The following GPHN variants were observed in gnomAD, a reference collection of about 807,000 sequenced individuals.
GPHN encodes gephyrin.
Under a neutral mutation model 95.5 loss-of-function variants are expected in GPHN, and 17 were observed. That is an observed-to-expected ratio of 0.18 (90% CI 0.12 to 0.27). GPHN has a LOEUF of 0.27. Among genes scored for constraint, GPHN ranks in the 10% least tolerant of loss-of-function variants. The pLI is 1.00. For missense variants in GPHN, 660 were observed against 978.1 expected, an observed-to-expected ratio of 0.67 and a Z score of 4.34; for synonymous variants, 320 against 322.5, an observed-to-expected ratio of 0.99 and a Z score of 0.08.
the GPHN span, chr14:67,619,979 T>C: frequency 1.9e-6 from 3 of 1,591,924 alleles, no homozygotes; most frequent in South Asian, 1.1e-5. Flanking sequence ...CTGCGGATCA[T>C]GTCCCTAAGG....
intron 1 of GPHN, among the ~76,000 whole-genome samples, chr14:66,545,004 G>A (rs895878311): frequency 6.6e-6 from 1 of 152,198 alleles, no homozygotes; most frequent in African/African-American, 2.4e-5. Flanking sequence ...ACACAAACAC[G>A]GCAACCATCC....
the GPHN span, among the ~76,000 whole-genome samples, chr14:67,322,568 A>G: frequency 6.6e-6 from 1 of 152,194 alleles, no homozygotes; most frequent in Admixed American, 6.5e-5. Flanking sequence ...CTATTCTAAA[A>G]TAGTAATTAG....
the GPHN span, chr14:67,589,871 G>A: frequency 8.8e-5 from 107 of 1,221,848 alleles, no homozygotes; most frequent in African/African-American, 3.1e-5. Context: ...TGGTAAAGTA[G>A]GCAAAACCTT....
intron 1 of GPHN, among the ~76,000 whole-genome samples, chr14:66,648,147 G>C (rs1002306131): frequency 2.6e-5 from 4 of 152,278 alleles, no homozygotes; most frequent in Non-Finnish European, 5.9e-5. Context: ...ATATTCTATA[G>C]TGCTTTGACT....
chr14:66,941,412 A>G (rs566824183), intron 8 of GPHN, among the ~76,000 whole-genome samples: 7 of 152,296 alleles, frequency 4.6e-5, no homozygotes, highest in African/African-American at 7.2e-5. Flanking sequence ...GGAATCTCAG[A>G]TAAGACCTTT....
At chr14:66,801,723 G>T (rs988929372) in intron 3 of GPHN, among the ~76,000 whole-genome samples, 10 of 149,250 alleles carry the variant, frequency 6.7e-5, no homozygotes, top group Non-Finnish European at 1.0e-4. Context: ...ACTGGATCAG[G>T]CCTGAAGCCA....
intron 1 of GPHN, among the ~76,000 whole-genome samples, chr14:66,552,650 C>G (rs1234761785): frequency 6.6e-6 from 1 of 152,090 alleles, no homozygotes; most frequent in Non-Finnish European, 1.5e-5. Context: ...CTAAAAATGT[C>G]TTTATTCCAC....
chr14:67,249,037 A>C, the GPHN span, among the ~76,000 whole-genome samples: 1 of 151,740 alleles, frequency 6.6e-6, no homozygotes, highest in Non-Finnish European at 1.5e-5. Context: ...ATCTCAGCTC[A>C]CTGCAACCTC....
At position 67,102,696 on chromosome 14, in the gene GPHN, G is replaced by T. The variant is rs1228946501; in HGVS notation, c.1293+1785G>T. 2.6e-5 allele frequency among the ~76,000 whole-genome samples: 4 copies of T among 152,212 alleles called. No individual in the cohort carries two copies. In the East Asian group the frequency reaches 7.7e-4, roughly 29 times the overall value. On this transcript the variant is annotated intron_variant, in intron 13 of 22. Transcript: ENST00000478722. ...AAATAAAAATAAATAAAAGTGGCAA[G>T]AAATAAATAAATAATAATTTTTAAA...
chr14:67,183,951 T>C (rs532727056), downstream of GPHN, among the ~76,000 whole-genome samples: 1 of 152,112 alleles, frequency 6.6e-6, no homozygotes, highest in African/African-American at 2.4e-5. Context: ...CTCCCTGGGC[T>C]CAAGTGATCC....
Position 66,728,292 on chromosome 14 carries a change from A to G in GPHN, c.143+47107A>G, listed in dbSNP as rs139984772. 4.9e-3 allele frequency among the ~76,000 whole-genome samples: 743 copies of G among 152,250 alleles called. 2 individuals are homozygous for G. Among genetic ancestry groups the G allele is most frequent in the Non-Finnish European group, 7.7e-3 (522 of 68,016 alleles). On this transcript the variant is annotated intron_variant, in intron 2 of 22. Transcript: ENST00000478722. ...TCTGCTAGGGCAGTGCAGAAGAGAAATGAGGGGTTGGAGCCCCCACACAGA... is the reference window on the plus strand; with the variant it reads ...TCTGCTAGGGCAGTGCAGAAGAGAAGTGAGGGGTTGGAGCCCCCACACAGA...
chr14:66,942,158 C>T lies in GPHN; in HGVS notation c.828+17866C>T, dbSNP rs774619006. 1.0e-3 allele frequency among the ~76,000 whole-genome samples: 155 copies of T among 152,198 alleles called. 1 individual carries two copies. The highest frequency in any genetic ancestry group is 2.1e-3 in the Non-Finnish European group (140 of 67,998). On this transcript the variant is annotated intron_variant, in intron 8 of 22. Coordinates refer to ENST00000478722, the MANE Select transcript of GPHN (RefSeq NM_020806.5). Reference sequence around the variant, plus strand: ...TCCCAAGTACCTGAGATTACAGGTGCCTGCCACCACACCCAGCTAATTTTT... The same window carrying T: ...TCCCAAGTACCTGAGATTACAGGTGTCTGCCACCACACCCAGCTAATTTTT...
At chr14:67,064,589 T>A (rs906356672) in intron 11 of GPHN, among the ~76,000 whole-genome samples, 9 of 152,236 alleles carry the variant, frequency 5.9e-5, no homozygotes, top group African/African-American at 2.2e-4. Flanking sequence ...GGTAGGCTAT[T>A]AATTATTGCC....
chr14:67,488,544 C>G, the GPHN span: 1 of 152,474 alleles, frequency 6.6e-6, no homozygotes, highest in East Asian at 1.9e-4. Flanking sequence ...GGACAGGGGT[C>G]ACCTTGACAC....
intron 12 of GPHN, among the ~76,000 whole-genome samples, chr14:67,096,639 A>G (rs867810657): frequency 9.1e-4 from 132 of 144,570 alleles, no homozygotes; most frequent in Non-Finnish European, 1.7e-3. Context: ...TTTTTGAGAC[A>G]GGATCTCGCT....
chr14:66,953,499 T>C (rs950588382), intron 8 of GPHN, among the ~76,000 whole-genome samples: 2 of 152,184 alleles, frequency 1.3e-5, no homozygotes, highest in African/African-American at 4.8e-5. Context: ...TTAATTTTTG[T>C]GTATGGTGTA....
the GPHN span, among the ~76,000 whole-genome samples, chr14:67,378,124 T>TAA: frequency 2.0e-4 from 27 of 134,284 alleles, no homozygotes; most frequent in Admixed American, 4.5e-4. Context: ...CCTTGTCTCT[T>TAA]AAAAAAAAAA....
chr14:67,383,446 T>A, the GPHN span: 1 of 1,612,658 alleles, frequency 6.2e-7, no homozygotes, highest in Non-Finnish European at 8.5e-7. Flanking sequence ...ATTAACTTTG[T>A]GGGAAACAGA....
downstream of GPHN, among the ~76,000 whole-genome samples, chr14:67,183,755 G>T (rs1197789951): frequency 1.3e-5 from 2 of 151,536 alleles, no homozygotes; most frequent in South Asian, 2.1e-4. Flanking sequence ...GTGTAGATGG[G>T]GTTTCACCAT....
Sources: gnomAD v4.1 joint callset for allele counts (sites outside exome capture counted in the v4.1 genomes callset) on GRCh38, gnomAD v4.1.1 for gene constraint, MANE v1.5 for transcripts, NCBI Gene and HGNC (gene_info 2026-07-23, HGNC 2026-07-21) for gene names.